Variants in SDK2 observed in about 807,000 individuals in gnomAD.
SDK2 encodes the protein protein sidekick-2.
In SDK2, 105 loss-of-function variants were observed where a neutral mutation model predicts 253.9. The observed-to-expected ratio is 0.41, with a 90% CI of 0.35 to 0.49. The LOEUF (loss-of-function observed/expected upper bound fraction) is 0.49. Ranked by LOEUF, SDK2 falls within the 20% of genes least tolerant of loss-of-function variation. SDK2 has a pLI of 0.06. For missense variants in SDK2, 2,608 were observed against 3,003.0 expected, an observed-to-expected ratio of 0.87 and a Z score of 3.07; for synonymous variants, 1,249 against 1,234.9, an observed-to-expected ratio of 1.01 and a Z score of -0.24.
chr17:73,591,556 CTGTAGGACG>C (rs991912613), intron 1 of SDK2, among the ~76,000 whole-genome samples: 2 of 152,132 alleles, frequency 1.3e-5, no homozygotes, highest in African/African-American at 4.8e-5. Flanking sequence ...CAGTGCAAAC[CTGTAGGACG>C]TGTAGAATAC....
At chr17:73,385,746 T>C (rs1361997776) in intron 32 of SDK2, 101 bp downstream of exon 32, 17 of 1,100,344 alleles carry the variant, frequency 1.5e-5, no homozygotes, top group South Asian at 1.5e-4. Flanking sequence ...GGCAGAGAAC[T>C]TGGGGGCTCC....
At chr17:73,613,834 C>T (rs183001345) in intron 1 of SDK2, among the ~76,000 whole-genome samples, 97 of 152,262 alleles carry the variant, frequency 6.4e-4, no homozygotes, top group African/African-American at 2.2e-3. Context: ...CTCTCAGATT[C>T]CACAGGGAAG....
chr17:73,463,083 G>A (rs190755408), intron 3 of SDK2, among the ~76,000 whole-genome samples: 398 of 152,198 alleles, frequency 2.6e-3, no homozygotes, highest in Non-Finnish European at 4.3e-3. Flanking sequence ...CGGTGATAAC[G>A]GAGACTGAGG....
intron 32 of SDK2, 90 bp downstream of exon 32, chr17:73,385,757 A>T: frequency 8.1e-7 from 1 of 1,227,208 alleles, no homozygotes; most frequent in Non-Finnish European, 1.2e-6. Flanking sequence ...TGGGGGCTCC[A>T]CGCAGCCCTG....
In SDK2 at chr17:73,354,958, C is replaced by T. The variant is rs558299655; in HGVS notation, c.5594-2321G>A. Among the ~76,000 whole-genome samples the T allele has an allele frequency of 8.6e-5, 13 of 151,494 alleles. No homozygotes were observed. In the East Asian group the frequency reaches 1.4e-3, roughly 16 times the overall value. Reference sequence around the variant, plus strand: ...CAGCAGAGGCGCCTCGACACCCTGGCGTCCTGTCTGAATTTTGGACCCAGT... The same window carrying T: ...CAGCAGAGGCGCCTCGACACCCTGGTGTCCTGTCTGAATTTTGGACCCAGT... On this transcript the variant is annotated intron_variant, in intron 40 of 44. Transcript: ENST00000392650.
chr17:73,405,506 ATATAT>A lies in SDK2; in HGVS notation c.2485-3370_2485-3366del, dbSNP rs2063068337. On this transcript the variant is annotated intron_variant, in intron 18 of 44. Coordinates refer to ENST00000392650, the MANE Select transcript of SDK2 (RefSeq NM_001144952.2). Reference sequence around the variant, plus strand: ...TATATATATATATATATATATATATATATATATATATAAAGATCGAGAATGTGGAA... The same window carrying A: ...TATATATATATATATATATATATATAATATATAAAGATCGAGAATGTGGAA... Among the ~76,000 whole-genome samples the A allele has an allele frequency of 5.9e-5, 5 of 84,502 alleles. 1 individual carries two copies. Among genetic ancestry groups the A allele is most frequent in the East Asian group, 8.0e-4 (2 of 2,510 alleles). 55.4% of individuals were successfully genotyped at this position (84,502 alleles called of 152,430 possible). A position where few individuals can be genotyped will look rare whatever the true frequency, so the allele number is the denominator to read the frequency against.
rs924643528 is a variant in SDK2 at position 73,496,833 on chromosome 17, T to A, written c.224+10605A>T. ...CTCTCTAACTCCTCAACTTGCCCCA[T>A]CCTCCCCCTCCTGAAGGTCACCAGA... On this transcript the variant is annotated intron_variant, in intron 2 of 44. Coordinates refer to ENST00000392650, the MANE Select transcript of SDK2 (RefSeq NM_001144952.2). The surrounding 1 kb of genome is among the most constrained non-coding windows in gnomAD (Gnocchi z 4.7). Among the ~76,000 whole-genome samples the A allele has an allele frequency of 6.6e-6, 1 of 152,036 alleles. No individual in the cohort carries two copies. The highest frequency in any genetic ancestry group is 2.4e-5 in the African/African-American group (1 of 41,402).
At chr17:73,382,780 C>A (rs2062841351) in intron 33 of SDK2, among the ~76,000 whole-genome samples, 1 of 152,164 alleles carries the variant, frequency 6.6e-6, no homozygotes, top group Admixed American at 6.5e-5. Context: ...AGCGGGCAGG[C>A]CACTTAAGGT....
intron 1 of SDK2, among the ~76,000 whole-genome samples, chr17:73,565,931 C>G (rs1222858513): frequency 6.6e-6 from 1 of 152,248 alleles, no homozygotes; most frequent in African/African-American, 2.4e-5. Flanking sequence ...TCAAGCGATT[C>G]TCCTGCCTCA....
intron 1 of SDK2, among the ~76,000 whole-genome samples, chr17:73,561,598 C>A (rs1337504860): frequency 5.3e-5 from 8 of 152,340 alleles, no homozygotes; most frequent in Admixed American, 1.3e-4. Flanking sequence ...GGGCCATCTT[C>A]CTGTACGTGG....
chr17:73,441,454 T>C (rs2063415195), intron 5 of SDK2, among the ~76,000 whole-genome samples: 2 of 152,128 alleles, frequency 1.3e-5, no homozygotes, highest in Admixed American at 6.6e-5. Context: ...TGAGGTCATA[T>C]TGGATCAGGG....
At chr17:73,533,251 C>T (rs1293746558) in intron 1 of SDK2, among the ~76,000 whole-genome samples, 3 of 152,360 alleles carry the variant, frequency 2.0e-5, no homozygotes, top group Admixed American at 6.5e-5. Context: ...TCCCTGGTCC[C>T]GCAGCCAAGG....
In SDK2 at chr17:73,548,607, G is replaced by T. The variant is rs186226287; in HGVS notation, c.65-41010C>A. ...TCCTCTGCAGACCAAGCTTGCTGGG[G>T]TTCCCAGTGGCCTAGCTTTTGATGC... On this transcript the variant is annotated intron_variant, in intron 1 of 44. Coordinates refer to ENST00000392650, the MANE Select transcript of SDK2 (RefSeq NM_001144952.2). Among the ~76,000 whole-genome samples the T allele has an allele frequency of 1.9e-3, 297 of 152,358 alleles. 1 individual carries two copies. The highest frequency in any genetic ancestry group is 5.6e-3 in the East Asian group (29 of 5,184).
chr17:73,415,943 C>A lies in SDK2; in HGVS notation c.2236G>T (p.Asp746Tyr), dbSNP rs751204569. 8 of 1,611,630 alleles carry A rather than the reference C, an allele frequency of 5.0e-6. No individual in the cohort carries two copies. The East Asian group carries it at 1.1e-4, about 22-fold the overall frequency. The change falls in exon 17 of 45, where the codon GAT (aspartate) becomes TAT (tyrosine). Residue 746 changes from aspartate to tyrosine, a missense_variant. Physicochemically the swap from Asp to Tyr is radical, Grantham distance 160. Coordinates refer to ENST00000392650, the MANE Select transcript of SDK2 (RefSeq NM_001144952.2). ...AGCAGCAGGTTGTTCACATCAGCATCCGTGATGTTCTTAAACTGGTACCCC... is the reference window on the plus strand; with the variant it reads ...AGCAGCAGGTTGTTCACATCAGCATACGTGATGTTCTTAAACTGGTACCCC... ...PVGYQFKNIT[D>Y]ADVNNLLLED...
At chr17:73,366,118 C>T (rs1350099525) in intron 37 of SDK2, among the ~76,000 whole-genome samples, 7 of 152,210 alleles carry the variant, frequency 4.6e-5, no homozygotes, top group Non-Finnish European at 8.8e-5. Context: ...GCTGCCTCCC[C>T]ACCACGCTGG....
At chr17:73,632,840 AT>A (rs1229917988) in intron 1 of SDK2, among the ~76,000 whole-genome samples, 2 of 152,184 alleles carry the variant, frequency 1.3e-5, no homozygotes, top group African/African-American at 4.8e-5. Flanking sequence ...TCAAGACCAG[AT>A]TTTGATGTAT....
intron 4 of SDK2, among the ~76,000 whole-genome samples, chr17:73,454,127 G>C (rs1043140735): frequency 2.0e-5 from 3 of 152,230 alleles, no homozygotes; most frequent in Non-Finnish European, 4.4e-5. Flanking sequence ...TGGGTGTGTA[G>C]TAGGCTGCAC....
At chr17:73,591,873 A>G (rs1437311981) in intron 1 of SDK2, among the ~76,000 whole-genome samples, 1 of 152,130 alleles carries the variant, frequency 6.6e-6, no homozygotes, top group Non-Finnish European at 1.5e-5. Flanking sequence ...CTCATCTTCA[A>G]AGAGCATCAA....
intron 1 of SDK2, among the ~76,000 whole-genome samples, chr17:73,535,972 C>T (rs145596879): frequency 0.011 from 1,725 of 152,294 alleles, 34 homozygotes; most frequent in African/African-American, 0.039. Flanking sequence ...GTTTCCTCCA[C>T]GCCCACTCTG....
Sources: gnomAD v4.1 joint callset for allele counts (sites outside exome capture counted in the v4.1 genomes callset) on GRCh38, gnomAD v4.1.1 for gene constraint, Gnocchi (gnomAD v3.1) non-coding constraint, MANE v1.5 for transcripts, NCBI Gene and HGNC (gene_info 2026-07-23, HGNC 2026-07-21) for gene names.